BRAP: variants seen among roughly 807,000 people sequenced by gnomAD.
BRAP encodes BRCA1-associated protein.
In BRAP, 42 loss-of-function variants were observed where a neutral mutation model predicts 73.4. The ratio of observed to expected loss-of-function variants is 0.57; its 90% CI spans 0.45 to 0.74. The LOEUF (loss-of-function observed/expected upper bound fraction) is 0.74. Ranked by LOEUF, BRAP falls within the 30% of genes least tolerant of loss-of-function variation. The probability of loss-of-function intolerance (pLI) is 0.00; values close to 1 mark genes in which losing one functional copy is unlikely to be tolerated. For synonymous variants in BRAP, 255 were observed against 267.4 expected (o/e 0.95, Z 0.45); for missense variants, 593 against 751.4 (o/e 0.79, Z 2.46).
intron 2 of BRAP, among the ~76,000 whole-genome samples, chr12:111,682,497 C>CAAAAAAAAAAAAAAAAAAAAA (rs11366915): frequency 1.3e-5 from 1 of 77,900 alleles, no homozygotes; most frequent in Admixed American, 1.5e-4. Flanking sequence ...GAGACTGTCT[C>CAAAAAAAAAAAAAAAAAAAAA]AAAAAAAAAA....
At chr12:111,660,734 A>C in intron 6 of BRAP, 59 bp from the exon 7 acceptor site, 1 of 1,486,242 alleles carries the variant, frequency 6.7e-7, no homozygotes, top group South Asian at 1.3e-5. Flanking sequence ...GCTGTTACAG[A>C]ACCCAAAAGT....
In BRAP at chr12:111,679,159, GA is replaced by G; in HGVS notation, c.624del (p.Arg209ValfsTer11). On this transcript the variant is annotated frameshift_variant, in exon 4 of 12. Coordinates refer to ENST00000419234, the MANE Select transcript of BRAP (RefSeq NM_006768.5). LOFTEE classifies it high-confidence loss of function. Reference sequence around the variant, plus strand: ...AATTTAATAACTTTTACCTGTGCACGAAACTTTATCAGCACCATATATTGGT... The same window carrying G: ...AATTTAATAACTTTTACCTGTGCACGAACTTTATCAGCACCATATATTGGT... ...TPNQYMVLIK[F>X]RAQADADSFY... 1.3e-6 allele frequency: 2 copies of G among 1,546,530 alleles called. No individual in the cohort carries two copies. Among genetic ancestry groups the G allele is most frequent in the Non-Finnish European group, 1.8e-6 (2 of 1,142,314 alleles).
chr12:111,679,780 G>A (rs1371042729), intron 3 of BRAP, among the ~76,000 whole-genome samples: 1 of 150,138 alleles, frequency 6.7e-6, no homozygotes, highest in East Asian at 2.0e-4. Context: ...GGGAGGCTGA[G>A]GCAGGAGAAT....
intron 4 of BRAP, among the ~76,000 whole-genome samples, chr12:111,676,145 T>G (rs926813019): frequency 3.9e-5 from 6 of 152,058 alleles, no homozygotes; most frequent in African/African-American, 1.2e-4. Context: ...CCCAAGGTGT[T>G]GGGATTACAG....
chr12:111,652,719 C>G (rs1566112103), intron 10 of BRAP, among the ~76,000 whole-genome samples: 2 of 149,760 alleles, frequency 1.3e-5, no homozygotes, highest in Non-Finnish European at 3.0e-5. Context: ...ATCTCTCTCT[C>G]TTTTTTTTTG....
chr12:111,680,176 C>T lies in BRAP; in HGVS notation c.444-836G>A, dbSNP rs1234972562. ...TTCACTATGTTGGCCAGGCTGGTTT[C>T]GAACTCCTGACCTCGTGATCCCCCG... On this transcript the variant is annotated intron_variant, in intron 3 of 11. Transcript: ENST00000419234. 1.1e-4 allele frequency among the ~76,000 whole-genome samples: 16 copies of T among 151,286 alleles called. 1 individual carries two copies. The highest frequency in any genetic ancestry group is 1.1e-3 in the Admixed American group (16 of 15,192).
chr12:111,679,719 CA>C (rs893931855), intron 3 of BRAP, among the ~76,000 whole-genome samples: 2 of 150,718 alleles, frequency 1.3e-5, no homozygotes, highest in Non-Finnish European at 1.5e-5. Flanking sequence ...ACTAAAAATA[CA>C]AAAAAAATTA....
At chr12:111,650,272 T>C (rs1324864014) in intron 10 of BRAP, among the ~76,000 whole-genome samples, 1 of 152,128 alleles carries the variant, frequency 6.6e-6, no homozygotes, top group East Asian at 1.9e-4. Flanking sequence ...AAATCTTTTT[T>C]TTTCTTTTTT....
At chr12:111,682,683 A>G (rs911832993) in intron 2 of BRAP, among the ~76,000 whole-genome samples, 1 of 152,036 alleles carries the variant, frequency 6.6e-6, no homozygotes, top group Non-Finnish European at 1.5e-5. Context: ...AGGCCGAGGC[A>G]GGTGGATCAC....
intron 5 of BRAP, among the ~76,000 whole-genome samples, chr12:111,670,987 C>T (rs1345349598): frequency 6.6e-6 from 1 of 151,940 alleles, no homozygotes; most frequent in Non-Finnish European, 1.5e-5. Context: ...ATAGTCCTAG[C>T]CACTTGGGAT....
At chr12:111,654,980 T>C (rs1886470075) in intron 10 of BRAP, among the ~76,000 whole-genome samples, 1 of 152,206 alleles carries the variant, frequency 6.6e-6, no homozygotes, top group South Asian at 2.1e-4. Context: ...CAGGGTTCCT[T>C]GCACATACTG....
At chr12:111,652,719 CTTTTT>C (rs994492953) in intron 10 of BRAP, among the ~76,000 whole-genome samples, 1 of 149,760 alleles carries the variant, frequency 6.7e-6, no homozygotes, top group East Asian at 2.0e-4. Flanking sequence ...ATCTCTCTCT[CTTTTT>C]TTTTGAGATG....
At chr12:111,674,739 CT>C (rs1051191365) in intron 4 of BRAP, among the ~76,000 whole-genome samples, 10 of 152,174 alleles carry the variant, frequency 6.6e-5, no homozygotes, top group Non-Finnish European at 1.0e-4. Flanking sequence ...GAGAAGAAGC[CT>C]CTTTAATACT....
At chr12:111,671,835 A>T (rs1456155221) in intron 5 of BRAP, among the ~76,000 whole-genome samples, 1 of 151,822 alleles carries the variant, frequency 6.6e-6, no homozygotes, top group Admixed American at 6.6e-5. Context: ...AAAGGTGCTC[A>T]GCATCACACC....
chr12:111,656,182 A>G (rs894191620), intron 9 of BRAP, among the ~76,000 whole-genome samples: 10 of 152,234 alleles, frequency 6.6e-5, no homozygotes, highest in African/African-American at 2.2e-4. Context: ...TGCCTGGCAC[A>G]TGGTGGATGT....
rs1885961535 is a variant in BRAP, at chr12:111,643,114, A to C, written c.*1085T>G. The C allele has an allele frequency of 1.3e-5, 2 of 152,216 alleles. No individual in the cohort carries two copies. Among genetic ancestry groups the C allele is most frequent in the South Asian group, 4.1e-4 (2 of 4,836 alleles). The allele number at this position is 152,216 out of a possible 1,614,324, so 9.4% of individuals were successfully genotyped here. A position where few individuals can be genotyped will look rare whatever the true frequency, so the allele number is the denominator to read the frequency against. ...GCAGGTTATAAATTATTTGACATTT[A>C]TGGTTCCAGAGAGAGTACACAGCCC... On this transcript the variant is annotated 3_prime_UTR_variant, in exon 12 of 12. Transcript: ENST00000419234.
intron 10 of BRAP, among the ~76,000 whole-genome samples, chr12:111,650,902 G>A (rs1012696566): frequency 1.3e-5 from 2 of 152,046 alleles, no homozygotes. Context: ...AAACATAAGA[G>A]AATTAAAAAA....
chr12:111,684,285 A>G (rs561096640), intron 1 of BRAP, among the ~76,000 whole-genome samples: 1 of 152,332 alleles, frequency 6.6e-6, no homozygotes, highest in East Asian at 1.9e-4. Context: ...ACCCATGCAG[A>G]TGTCTATATG....
At chr12:111,667,714 A>AAAAAAAAAAAAAAAAAAAAAAAAAAAC in intron 5 of BRAP, among the ~76,000 whole-genome samples, 2 of 146,710 alleles carry the variant, frequency 1.4e-5, no homozygotes, top group Non-Finnish European at 3.0e-5. Context: ...AAAAAAAAAA[A>AAAAAAAAAAAAAAAAAAAAAAAAAAAC]AAAAAAAGCT....
Sources: gnomAD v4.1 joint callset for allele counts (sites outside exome capture counted in the v4.1 genomes callset) on GRCh38, gnomAD v4.1.1 for gene constraint, MANE v1.5 for transcripts, NCBI Gene and HGNC (gene_info 2026-07-23, HGNC 2026-07-21) for gene names.